Variants in DENND2C observed in about 807,000 individuals in gnomAD.
The protein encoded by DENND2C is DENN domain-containing protein 2C.
DENND2C carries 72 observed loss-of-function variants against 112.4 expected under a neutral mutation model. The observed-to-expected ratio is 0.64, with a 90% confidence interval of 0.53 to 0.78. DENND2C has a LOEUF of 0.78. Among genes scored for constraint, DENND2C ranks in the 30% least tolerant of loss-of-function variants. The pLI, the probability that DENND2C is intolerant of heterozygous loss-of-function variation, is 0.00. For missense variants in DENND2C, 992 were observed against 1,113.8 expected, an observed-to-expected ratio of 0.89 and a Z score of 1.56; for synonymous variants, 329 against 381.6, an observed-to-expected ratio of 0.86 and a Z score of 1.61.
chr1:114,600,502 C>T, intron 14 of DENND2C, 150 bp from the exon 15 acceptor site: 1 of 1,029,620 alleles, frequency 9.7e-7, no homozygotes, highest in South Asian at 1.7e-5. Flanking sequence ...ATGCCAGGAC[C>T]CAACAGCTTA....
chr1:114,602,601 T>G (rs1232290591), intron 11 of DENND2C, among the ~76,000 whole-genome samples: 1 of 152,168 alleles, frequency 6.6e-6, no homozygotes, highest in Non-Finnish European at 1.5e-5. Context: ...CTCACTCTGT[T>G]GCCCAGGCTG....
intron 8 of DENND2C, among the ~76,000 whole-genome samples, chr1:114,614,969 G>A (rs371911057): frequency 2.0e-5 from 3 of 151,160 alleles, no homozygotes; most frequent in East Asian, 3.9e-4. Context: ...AGCCGAGATC[G>A]CACAACTGCA....
At chr1:114,600,078 T>C in intron 15 of DENND2C, 126 bp downstream of exon 15, 4 of 1,058,886 alleles carry the variant, frequency 3.8e-6, no homozygotes, top group Non-Finnish European at 5.4e-6. Flanking sequence ...GTAATGAACC[T>C]GCACGTTGTG....
chr1:114,634,389 A>G (rs978377542), intron 3 of DENND2C, among the ~76,000 whole-genome samples: 2 of 152,034 alleles, frequency 1.3e-5, no homozygotes, highest in African/African-American at 4.8e-5. Flanking sequence ...GCTGGAGTGC[A>G]CTGGCACAAT....
intron 16 of DENND2C, among the ~76,000 whole-genome samples, chr1:114,597,653 T>G (rs1655381499): frequency 6.6e-6 from 1 of 150,660 alleles, no homozygotes. Flanking sequence ...CATGGTGGTG[T>G]GCACCTGTAG....
intron 3 of DENND2C, among the ~76,000 whole-genome samples, chr1:114,636,115 C>A (rs1656650443): frequency 6.6e-6 from 1 of 151,390 alleles, no homozygotes; most frequent in Admixed American, 6.6e-5. Context: ...GTTGCTTTAA[C>A]ATTAAAAGTC....
intron 3 of DENND2C, among the ~76,000 whole-genome samples, chr1:114,643,354 C>A (rs537092925): frequency 6.6e-6 from 1 of 152,108 alleles, no homozygotes; most frequent in Admixed American, 6.5e-5. Context: ...ATTATTTAAT[C>A]GAAAGCCTCA....
intron 8 of DENND2C, 128 bp downstream of exon 8, chr1:114,618,258 G>A (rs965347217): frequency 2.2e-6 from 1 of 459,708 alleles, no homozygotes; most frequent in Non-Finnish European, 3.7e-6. Context: ...AAAGTGCTGG[G>A]ATTACAGGTG....
At position 114,625,858 on chromosome 1, in the gene DENND2C, G is replaced by A; in HGVS notation, c.127C>T (p.Pro43Ser). 1 of 1,614,006 alleles carries A rather than the reference G, an allele frequency of 6.2e-7. No homozygotes were observed. The highest frequency in any genetic ancestry group is 1.7e-4 in the Middle Eastern group (1 of 6,056). Residue 43 changes from proline to serine, a missense_variant, in exon 4 of 21, where the codon CCA (proline) becomes TCA (serine). Transcript: ENST00000393274. ...TTATATCTCACTCCAAAGTCCTTTGGACACCACTTTTCTGGATTAGATATA... is the reference window on the plus strand; with the variant it reads ...TTATATCTCACTCCAAAGTCCTTTGAACACCACTTTTCTGGATTAGATATA... ...NGISNPEKWC[P>S]KDFGVRYNCH...
intron 1 of DENND2C, among the ~76,000 whole-genome samples, chr1:114,660,973 T>C (rs908782326): frequency 6.6e-6 from 1 of 151,940 alleles, no homozygotes; most frequent in Non-Finnish European, 1.5e-5. Flanking sequence ...CAGCCGGGCA[T>C]GGTGGCTCGC....
intron 18 of DENND2C, among the ~76,000 whole-genome samples, chr1:114,588,233 C>G (rs1443944346): frequency 1.3e-5 from 2 of 152,206 alleles, no homozygotes; most frequent in Non-Finnish European, 2.9e-5. Context: ...TCAAAGGCCA[C>G]TGGTGAGAGC....
intron 3 of DENND2C, among the ~76,000 whole-genome samples, chr1:114,629,626 T>G (rs1412494761): frequency 1.3e-5 from 2 of 152,230 alleles, no homozygotes; most frequent in African/African-American, 4.8e-5. Context: ...TGGAGATGAC[T>G]CTTAATCATG....
chr1:114,610,864 A>G (rs1377935120), intron 9 of DENND2C, among the ~76,000 whole-genome samples: 1 of 152,140 alleles, frequency 6.6e-6, no homozygotes, highest in Non-Finnish European at 1.5e-5. Context: ...TCACTCCACT[A>G]TGGGAGACTT....
In DENND2C at chr1:114,626,003, G is replaced by T; in HGVS notation, c.-19C>A. 6.3e-7 allele frequency: 1 copy of T among 1,585,310 alleles called. No individual in the cohort carries two copies. Among genetic ancestry groups the T allele is most frequent in the South Asian group, 1.1e-5 (1 of 87,970 alleles). On this transcript the variant is annotated 5_prime_UTR_variant, in exon 4 of 21. Transcript: ENST00000393274. ...CATCCATGTTCCCAACTGGGTGAAT[G>T]ACAAGTGATGAATCTTACAAAGGTT...
At chr1:114,649,306 G>A (rs1405087230) in intron 2 of DENND2C, among the ~76,000 whole-genome samples, 1 of 152,084 alleles carries the variant, frequency 6.6e-6, no homozygotes, top group East Asian at 1.9e-4. Flanking sequence ...AAAAATAACT[G>A]TCCCAAACTA....
At chr1:114,662,680 G>C (rs557553408) in intron 1 of DENND2C, among the ~76,000 whole-genome samples, 143 of 152,182 alleles carry the variant, frequency 9.4e-4, no homozygotes, top group Non-Finnish European at 1.6e-3. Context: ...TCAAAAATAG[G>C]GGCCAGGCAT....
chr1:114,620,037 G>T (rs542257425), intron 7 of DENND2C, among the ~76,000 whole-genome samples: 3 of 152,160 alleles, frequency 2.0e-5, no homozygotes, highest in African/African-American at 7.2e-5. Flanking sequence ...AGCAGGGAAG[G>T]AAAGGAAGAG....
chr1:114,664,770 G>C (rs991762327), intron 1 of DENND2C, among the ~76,000 whole-genome samples: 3 of 150,772 alleles, frequency 2.0e-5, no homozygotes, highest in African/African-American at 7.3e-5. Context: ...GAGCCACTGT[G>C]CCTGGGCAAA....
Position 114,590,574 on chromosome 1 carries a change from C to T in DENND2C, c.2432-2622G>A, listed in dbSNP as rs150516473. On this transcript the variant is annotated intron_variant, in intron 18 of 20. Transcript: ENST00000393274. Reference sequence around the variant, plus strand: ...CGGGCGGATCACGAGGTCAGGAGATCGAGACCATCCTGGCTAACATGGTGA... The same window carrying T: ...CGGGCGGATCACGAGGTCAGGAGATTGAGACCATCCTGGCTAACATGGTGA... 8.9e-3 allele frequency among the ~76,000 whole-genome samples: 1,348 copies of T among 151,228 alleles called. 20 individuals are homozygous for T. Among genetic ancestry groups the T allele is most frequent in the African/African-American group, 0.031 (1,293 of 41,238 alleles).
Sources: allele counts gnomAD v4.1 joint callset (sites outside exome capture counted in the v4.1 genomes callset), GRCh38; gene constraint gnomAD v4.1.1; transcripts MANE v1.5; gene names NCBI Gene and HGNC (gene_info 2026-07-23, HGNC 2026-07-21).